Variants in DENND2B observed in about 807,000 individuals in gnomAD.
DENND2B encodes DENN domain containing 2B, also known as DENN domain-containing protein 2B.
In DENND2B, 32 loss-of-function variants were observed where a neutral mutation model predicts 116.0. That is an observed-to-expected ratio of 0.28 (90% CI 0.21 to 0.37). DENND2B has a LOEUF of 0.37. Among genes scored for constraint, DENND2B ranks in the 10% least tolerant of loss-of-function variants. The pLI, the probability that DENND2B is intolerant of heterozygous loss-of-function variation, is 1.00. For missense variants in DENND2B, 1,276 were observed against 1,477.7 expected (o/e 0.86, Z 2.24); for synonymous variants, 588 against 583.9 (o/e 1.01, Z -0.10).
intron 2 of DENND2B, among the ~76,000 whole-genome samples, chr11:8,738,013 T>G (rs962288324): frequency 6.6e-6 from 1 of 151,920 alleles, no homozygotes; most frequent in Non-Finnish European, 1.5e-5. Context: ...CCTCCCAAAG[T>G]GCTGGGATTG....
chr11:8,777,987 A>G (rs2057929199), intron 1 of DENND2B, among the ~76,000 whole-genome samples: 1 of 152,214 alleles, frequency 6.6e-6, no homozygotes, highest in Non-Finnish European at 1.5e-5. Flanking sequence ...AGTCTCTACT[A>G]AGGAAGCTCA....
At chr11:8,745,585 G>A (rs1385682903) in intron 2 of DENND2B, among the ~76,000 whole-genome samples, 1 of 152,198 alleles carries the variant, frequency 6.6e-6, no homozygotes, top group Non-Finnish European at 1.5e-5. Context: ...CCTCTCAGCA[G>A]GTGGTGGAAA....
chr11:8,715,518 G>A, intron 6 of DENND2B, 85 bp downstream of exon 6: 1 of 1,421,886 alleles, frequency 7.0e-7, no homozygotes, highest in Non-Finnish European at 9.8e-7. Context: ...ATTAGGGAAG[G>A]AAGGAAGCCA....
In DENND2B at chr11:8,844,761, G is replaced by A. The variant is rs2062754247; in HGVS notation, c.-155-5411C>T. Among the ~76,000 whole-genome samples, 8 of 103,046 alleles carry A rather than the reference G, an allele frequency of 7.8e-5. No homozygotes were observed. In the Admixed American group the frequency reaches 7.9e-4, roughly 10 times the overall value. The allele number at this position is 103,046 out of a possible 152,430, so 67.6% of individuals were successfully genotyped here. A position where few individuals can be genotyped will look rare whatever the true frequency, so the allele number is the denominator to read the frequency against. On this transcript the variant is annotated intron_variant, in intron 3 of 6. Coordinates refer to the DENND2B transcript ENST00000524757. ...TATTTTATTTTTTTTTAGAGACAGG[G>A]TCTTGCTGTATCACCCAAGCTGGAG...
chr11:8,843,667 T>C (rs1424368929), intron 3 of DENND2B, among the ~76,000 whole-genome samples: 4 of 152,142 alleles, frequency 2.6e-5, no homozygotes, highest in African/African-American at 9.7e-5. Context: ...TCATACGGAA[T>C]ACACAAATCC....
Position 8,846,029 on chromosome 11 carries a change from C to T in DENND2B, c.-155-6679G>A, listed in dbSNP as rs374878157. On this transcript the variant is annotated intron_variant, in intron 3 of 6. Coordinates refer to the DENND2B transcript ENST00000524757. The stretch of plus-strand genomic sequence containing the variant: ...TCCCACAGCCTCAGCTCCTACAAGC[C>T]CTTCGAAGGTCCTCATGTGCATCAT... Among the ~76,000 whole-genome samples the T allele has an allele frequency of 2.0e-5, 3 of 152,114 alleles. No homozygotes were observed. The East Asian group carries it at 5.8e-4, about 29-fold the overall frequency.
intron 4 of DENND2B, among the ~76,000 whole-genome samples, chr11:8,818,548 A>G (rs1414327566): frequency 6.6e-6 from 1 of 152,052 alleles, no homozygotes; most frequent in South Asian, 2.1e-4. Context: ...AACCTCCTCA[A>G]TCCTAGCTCC....
chr11:8,901,613 C>T (rs1007103259), intron 1 of DENND2B, among the ~76,000 whole-genome samples: 3 of 152,164 alleles, frequency 2.0e-5, no homozygotes, highest in Non-Finnish European at 4.4e-5. Context: ...TGGCACTTCC[C>T]TCTAATCACA....
chr11:8,783,066 T>TTTC lies in DENND2B; in HGVS notation c.-26+27450_-26+27451insGAA, dbSNP rs1555189384. ...CTTACCTTTTTTTTTTTTTTTTTTT[T>TTTC]CCCAAAGAGATGGGGTCTCGCTCTA... is the stretch of plus-strand genomic sequence containing the variant. On this transcript the variant is annotated intron_variant, in intron 1 of 19. Coordinates refer to ENST00000313726, the MANE Select transcript of DENND2B (RefSeq NM_213618.2). Among the ~76,000 whole-genome samples, 7 of 148,230 alleles carry TTTC rather than the reference T, an allele frequency of 4.7e-5. No individual in the cohort carries two copies. The East Asian group carries it at 5.9e-4, about 12-fold the overall frequency.
chr11:8,736,866 C>T (rs1480439090), intron 2 of DENND2B, among the ~76,000 whole-genome samples: 1 of 152,178 alleles, frequency 6.6e-6, no homozygotes. Context: ...GAGAAGGAAG[C>T]TCTTGAGTGG....
intron 1 of DENND2B, among the ~76,000 whole-genome samples, chr11:8,760,396 T>C (rs994587072): frequency 2.8e-4 from 42 of 152,214 alleles, no homozygotes; most frequent in African/African-American, 9.4e-4. Flanking sequence ...GGCAGGAGGA[T>C]TGTTTGAGCC....
chr11:8,783,364 A>C (rs998361224), intron 1 of DENND2B, among the ~76,000 whole-genome samples: 7 of 152,238 alleles, frequency 4.6e-5, no homozygotes, highest in Non-Finnish European at 1.5e-5. Context: ...GGTTAACTAA[A>C]TAACAATTCA....
intron 4 of DENND2B, among the ~76,000 whole-genome samples, chr11:8,826,795 T>C (rs1413762451): frequency 2.0e-5 from 3 of 152,240 alleles, no homozygotes; most frequent in Non-Finnish European, 4.4e-5. Context: ...GCCCATCCTA[T>C]GTTTCTGCGG....
intron 2 of DENND2B, among the ~76,000 whole-genome samples, chr11:8,746,543 T>G (rs2051288549): frequency 6.6e-6 from 1 of 152,210 alleles, no homozygotes; most frequent in Non-Finnish European, 1.5e-5. Context: ...ATATGATAAG[T>G]GCCATTTGGC....
At chr11:8,799,232 C>G (rs1168335003) in intron 1 of DENND2B, among the ~76,000 whole-genome samples, 1 of 152,180 alleles carries the variant, frequency 6.6e-6, no homozygotes, top group Non-Finnish European at 1.5e-5. Flanking sequence ...TCACAACTGG[C>G]TCTCCCAGCA....
chr11:8,763,263 C>A (rs1301406453), intron 1 of DENND2B, among the ~76,000 whole-genome samples: 2 of 152,142 alleles, frequency 1.3e-5, no homozygotes, highest in African/African-American at 4.8e-5. Flanking sequence ...TGTGAAGCAA[C>A]TGGAATTCTC....
chr11:8,730,255 C>A lies in DENND2B; in HGVS notation c.1035G>T (p.Ala345=). ...GSRAVGVAGV[A]GEAGPPPERE... ...TCTCTGGGGGTGGGCCCGCCTCCCC[C>A]GCAACACCAGCCACTCCGACTGCCC... Residue 345 remains alanine, a synonymous_variant, in exon 3 of 20, where the codon GCG becomes GCT. Transcript: ENST00000313726. This position sits in a 1 kb window ranked among gnomAD's most constrained non-coding sequence, Gnocchi z 4.1. The A allele has an allele frequency of 6.2e-7, 1 of 1,611,284 alleles. No individual in the cohort carries two copies. The highest frequency in any genetic ancestry group is 8.5e-7 in the Non-Finnish European group (1 of 1,179,372).
intron 1 of DENND2B, among the ~76,000 whole-genome samples, chr11:8,792,217 A>G (rs2059445652): frequency 6.6e-6 from 1 of 152,218 alleles, no homozygotes; most frequent in Non-Finnish European, 1.5e-5. Context: ...ACACACACAC[A>G]CAAATAAAGA....
intron 2 of DENND2B, among the ~76,000 whole-genome samples, chr11:8,745,919 G>A (rs1042876705): frequency 6.6e-6 from 1 of 152,220 alleles, no homozygotes; most frequent in Non-Finnish European, 1.5e-5. Flanking sequence ...CCCAGCTGAT[G>A]CTGCAAGGAA....
Sources: allele counts gnomAD v4.1 joint callset (sites outside exome capture counted in the v4.1 genomes callset), GRCh38; gene constraint gnomAD v4.1.1; non-coding constraint Gnocchi (gnomAD v3.1); transcripts MANE v1.5; gene names NCBI Gene and HGNC (gene_info 2026-07-23, HGNC 2026-07-21).